Variants in CD96 observed in about 807,000 individuals in gnomAD.
CD96 encodes the protein CD96 molecule.
A neutral mutation model predicts 71.3 loss-of-function variants in CD96; 70 were observed. The observed-to-expected ratio is 0.98, with a 90% confidence interval of 0.81 to 1.20. CD96 has a LOEUF of 1.20. Among genes scored for constraint, CD96 ranks in the 50% most tolerant of loss-of-function variants. The probability of loss-of-function intolerance (pLI) is 0.00; values close to 1 mark genes in which losing one functional copy is unlikely to be tolerated. For missense variants in CD96, 742 were observed against 677.5 expected (o/e 1.10, Z -1.06); for synonymous variants, 248 against 233.0 (o/e 1.06, Z -0.59).
intron 12 of CD96, among the ~76,000 whole-genome samples, chr3:111,644,326 G>A (rs1431937711): frequency 1.3e-5 from 2 of 152,038 alleles, no homozygotes. Flanking sequence ...GATGGATTAA[G>A]GATTTAAACC....
intron 5 of CD96, chr3:111,593,805 T>C (rs1937115236): frequency 1.9e-6 from 3 of 1,614,062 alleles, no homozygotes; most frequent in Admixed American, 1.7e-5. Flanking sequence ...TCAATGCCTG[T>C]GGGGAGCTGG....
intron 12 of CD96, among the ~76,000 whole-genome samples, chr3:111,640,550 C>A (rs185291828): frequency 4.1e-4 from 63 of 152,068 alleles, no homozygotes; most frequent in Non-Finnish European, 7.4e-4. Context: ...ATTCTAAAAG[C>A]CTGGAAAACA....
At position 111,567,561 on chromosome 3, in the gene CD96, A is replaced by G. The variant is rs2107547816; in HGVS notation, c.457A>G (p.Ile153Val). The G allele has an allele frequency of 1.9e-6, 3 of 1,605,062 alleles. No individual in the cohort carries two copies. The highest frequency in any genetic ancestry group is 1.7e-6 in the Non-Finnish European group (2 of 1,171,858). Reference sequence around the variant, plus strand: ...ATGGAACAGCAACCATACGATAGAAATAGAGATAAATCAGACTCTGGAAAT... The same window carrying G: ...ATGGAACAGCAACCATACGATAGAAGTAGAGATAAATCAGACTCTGGAAAT... ...DEWNSNHTIEIEINQTLEIPC... is the reference protein window; with the variant it reads ...DEWNSNHTIEVEINQTLEIPC... The change falls in exon 3 of 14, where the codon ATA becomes GTA. Residue 153 changes from isoleucine to valine, a missense_variant. By Grantham distance (29) the Ile-to-Val change is conservative. Transcript: ENST00000352690.
intron 8 of CD96, among the ~76,000 whole-genome samples, chr3:111,608,950 A>G (rs1937764978): frequency 6.6e-6 from 1 of 152,210 alleles, no homozygotes. Flanking sequence ...AAGGTGGTGT[A>G]CCTTACAGAA....
intron 12 of CD96, among the ~76,000 whole-genome samples, chr3:111,642,707 T>G (rs1319065849): frequency 6.6e-6 from 1 of 151,886 alleles, no homozygotes; most frequent in Admixed American, 6.6e-5. Flanking sequence ...CTTGGGAGGC[T>G]GAGGTGGGAG....
intron 8 of CD96, among the ~76,000 whole-genome samples, chr3:111,623,536 T>C (rs374972645): frequency 6.6e-6 from 1 of 152,154 alleles, no homozygotes; most frequent in African/African-American, 2.4e-5. Context: ...CATTTAGAAT[T>C]AGGAAACCGG....
At chr3:111,581,478 A>G (rs901032526) in intron 4 of CD96, among the ~76,000 whole-genome samples, 1 of 152,208 alleles carries the variant, frequency 6.6e-6, no homozygotes, top group Non-Finnish European at 1.5e-5. Context: ...TAAACCCAGC[A>G]TATTTCTTCT....
At chr3:111,555,536 A>T (rs1934955157) in intron 2 of CD96, among the ~76,000 whole-genome samples, 1 of 152,296 alleles carries the variant, frequency 6.6e-6, no homozygotes, top group South Asian at 2.1e-4. Context: ...TTCGATCGCC[A>T]TTATTTCTGA....
rs115691799 is a variant in CD96, at chr3:111,660,723, C to A, written c.*53-4804C>A. Among the ~76,000 whole-genome samples the A allele has an allele frequency of 5.9e-3, 892 of 152,274 alleles. 5 individuals are homozygous for A. The highest frequency in any genetic ancestry group is 0.02 in the African/African-American group (835 of 41,538). On this transcript the variant is annotated intron_variant and NMD_transcript_variant, in intron 14 of 14. Coordinates refer to the CD96 transcript ENST00000494798. ...ATTCATAAATAAGGCCATACATGTACAACTATCTGATCTTCAACAAGGCTG... is the reference window on the plus strand; with the variant it reads ...ATTCATAAATAAGGCCATACATGTAAAACTATCTGATCTTCAACAAGGCTG...
At chr3:111,555,439 T>C (rs1471244263) in intron 2 of CD96, among the ~76,000 whole-genome samples, 1 of 152,300 alleles carries the variant, frequency 6.6e-6, no homozygotes, top group African/African-American at 2.4e-5. Context: ...TTCAGATTTT[T>C]TCATTTTTAA....
At chr3:111,555,452 T>G (rs1228582297) in intron 2 of CD96, among the ~76,000 whole-genome samples, 1 of 152,306 alleles carries the variant, frequency 6.6e-6, no homozygotes, top group Non-Finnish European at 1.5e-5. Context: ...ATTTTTAATT[T>G]TAAAGGATAA....
At position 111,623,816 on chromosome 3, in the gene CD96, C is replaced by G. The variant is rs1199682712; in HGVS notation, c.1243C>G (p.Pro415Ala). Residue 415 changes from proline to alanine, a missense_variant, in exon 9 of 14, where the codon CCT becomes GCT. By Grantham distance (27) the Pro-to-Ala change is conservative (BLOSUM62 -1). Transcript: ENST00000352690. ...GAGTGCCTTGAGGCCAAACACCACT[C>G]CTCAACGTGAGTTCAGCAAAGTTTT... ...DVSALRPNTT[P>A]QPSNSSMTTR... The G allele has an allele frequency of 1.2e-6, 2 of 1,606,082 alleles. No homozygotes were observed. The highest frequency in any genetic ancestry group is 2.7e-5 in the African/African-American group (2 of 74,778).
At chr3:111,612,099 T>C (rs533684260) in intron 8 of CD96, among the ~76,000 whole-genome samples, 1 of 152,304 alleles carries the variant, frequency 6.6e-6, no homozygotes, top group South Asian at 2.1e-4. Context: ...GAACAACAAA[T>C]AGCCACTATG....
At chr3:111,563,041 G>T (rs1422664723) in intron 2 of CD96, among the ~76,000 whole-genome samples, 1 of 152,200 alleles carries the variant, frequency 6.6e-6, no homozygotes, top group Non-Finnish European at 1.5e-5. Flanking sequence ...CCTCTGGAGG[G>T]GAGAAATGCC....
rs1940088319 is a variant in CD96, at chr3:111,651,725, AC to A, written c.*1920del. On this transcript the variant is annotated 3_prime_UTR_variant, in exon 14 of 14. Transcript: ENST00000352690. ...GTGAAACCCCGTCTCTACTAAAAAT[AC>A]AAAAAATTAGCCGGGTGTGGTGTCG... 1 of 152,198 alleles carries A rather than the reference AC, an allele frequency of 6.6e-6. No homozygotes were observed. The highest frequency in any genetic ancestry group is 1.5e-5 in the Non-Finnish European group (1 of 68,132). 9.4% of individuals were successfully genotyped at this position (152,198 alleles called of 1,614,324 possible).
Position 111,542,374 on chromosome 3 carries a change from C to T in CD96, c.61+65C>T, listed in dbSNP as rs993319599. On this transcript the variant is annotated intron_variant, in intron 1 of 13. Coordinates refer to ENST00000352690, the MANE Select transcript of CD96 (RefSeq NM_005816.5). Reference sequence around the variant, plus strand: ...TTTAGGGGCGGATGGGGCCTCTGTTCATTTAAAATGCCTTGTGACTGCTGC... The same window carrying T: ...TTTAGGGGCGGATGGGGCCTCTGTTTATTTAAAATGCCTTGTGACTGCTGC... 9.1e-6 allele frequency: 11 copies of T among 1,214,462 alleles called. No individual in the cohort carries two copies. In the South Asian group the frequency reaches 1.3e-4, roughly 15 times the overall value. 75.2% of individuals were successfully genotyped at this position (1,214,462 alleles called of 1,614,324 possible).
Position 111,651,908 on chromosome 3 carries a change from G to C in CD96, c.*2102G>C, listed in dbSNP as rs1444482410. ...CAAAAAAAAAAAAAAAAGAAAGAAA[G>C]AAAGAAAGAAAGAAATCTACCTGTC... On this transcript the variant is annotated 3_prime_UTR_variant, in exon 14 of 14. Transcript: ENST00000352690. The C allele has an allele frequency of 6.7e-6, 1 of 150,018 alleles. No individual in the cohort carries two copies. The highest frequency in any genetic ancestry group is 1.5e-5 in the Non-Finnish European group (1 of 67,562). 9.3% of individuals were successfully genotyped at this position (150,018 alleles called of 1,614,324 possible).
chr3:111,621,270 A>T (rs117501331), intron 8 of CD96, among the ~76,000 whole-genome samples: 78 of 152,320 alleles, frequency 5.1e-4, no homozygotes, highest in East Asian at 4.0e-3. Context: ...TTATCATAGC[A>T]CCACTGTTAA....
rs767977376 is a variant in CD96 at position 111,624,361 on chromosome 3, C to T, written c.1278C>T (p.Gly426=). Residue 426 remains glycine, a synonymous_variant, in exon 10 of 14, where the codon GGC becomes GGT. Coordinates refer to ENST00000352690, the MANE Select transcript of CD96 (RefSeq NM_005816.5). The part of the protein sequence containing the change: ...QPSNSSMTTR[G]FNYPWTSSGT... The stretch of plus-strand genomic sequence containing the variant: ...GCAATTCCAGTATGACTACCCGAGG[C>T]TTCAACTATCCCTGGACCTCCAGTG... The T allele has an allele frequency of 1.2e-6, 2 of 1,612,098 alleles. No individual in the cohort carries two copies. Among genetic ancestry groups the T allele is most frequent in the South Asian group, 2.2e-5 (2 of 91,042 alleles).
Sources: gnomAD v4.1 joint callset for allele counts (sites outside exome capture counted in the v4.1 genomes callset) on GRCh38, gnomAD v4.1.1 for gene constraint, MANE v1.5 for transcripts, NCBI Gene and HGNC (gene_info 2026-07-23, HGNC 2026-07-21) for gene names.